SEMA6D: variants seen among roughly 807,000 people sequenced by gnomAD.
SEMA6D encodes the protein semaphorin-6D.
Under a neutral mutation model 106.6 loss-of-function variants are expected in SEMA6D, and 35 were observed. The observed-to-expected ratio is 0.33, with a 90% CI of 0.25 to 0.44. The LOEUF is 0.44. SEMA6D is among the 20% of genes least tolerant of loss of function. The pLI, the probability that SEMA6D is intolerant of heterozygous loss-of-function variation, is 1.00. For missense variants in SEMA6D, 1,185 were observed against 1,345.9 expected (o/e 0.88, Z 1.87); for synonymous variants, 499 against 487.7 (o/e 1.02, Z -0.31).
chr15:47,314,593 A>G (rs62000202), intron 1 of SEMA6D, among the ~76,000 whole-genome samples: 19,892 of 77,088 alleles, frequency 0.26, 2,950 homozygotes, highest in Non-Finnish European at 0.37. Flanking sequence ...GCGAGACTCC[A>G]TCTCAAAAAA....
chr15:47,451,149 T>G (rs1162000280), intron 2 of SEMA6D, among the ~76,000 whole-genome samples: 1 of 152,070 alleles, frequency 6.6e-6, no homozygotes, highest in East Asian at 1.9e-4. Flanking sequence ...TATATCTACC[T>G]GGTTTGTCCA....
intron 3 of SEMA6D, among the ~76,000 whole-genome samples, chr15:47,586,749 T>C (rs1393950105): frequency 6.6e-6 from 1 of 152,184 alleles, no homozygotes; most frequent in Non-Finnish European, 1.5e-5. Context: ...AGAAAAATCC[T>C]GTAGAACGTA....
chr15:47,671,251 CAT>C (rs1311273920), intron 4 of SEMA6D, among the ~76,000 whole-genome samples: 1 of 152,074 alleles, frequency 6.6e-6, no homozygotes, highest in East Asian at 1.9e-4. Context: ...TGCTGGGCAA[CAT>C]AGGGTTTCCA....
intron 4 of SEMA6D, among the ~76,000 whole-genome samples, chr15:47,647,145 G>A (rs981335823): frequency 5.3e-5 from 8 of 152,120 alleles, no homozygotes; most frequent in Non-Finnish European, 1.0e-4. Context: ...TTGTCTAAAC[G>A]TTGTAATCAC....
At chr15:47,643,812 G>A (rs967640882) in intron 4 of SEMA6D, among the ~76,000 whole-genome samples, 5 of 152,096 alleles carry the variant, frequency 3.3e-5, no homozygotes, top group African/African-American at 1.2e-4. Context: ...AATAAATTTT[G>A]TTAGTTATAG....
intron 3 of SEMA6D, among the ~76,000 whole-genome samples, chr15:47,588,348 T>G (rs1028164716): frequency 6.6e-6 from 1 of 152,190 alleles, no homozygotes; most frequent in Non-Finnish European, 1.5e-5. Context: ...GTTCTGCCCC[T>G]ATCTTTTAGA....
intron 1 of SEMA6D, among the ~76,000 whole-genome samples, chr15:47,187,430 T>C (rs71467616): frequency 0.14 from 20,666 of 152,142 alleles, 1,813 homozygotes; most frequent in Middle Eastern, 0.18. Flanking sequence ...TCAAAACTTA[T>C]ATTTAAACGT....
At chr15:47,425,726 G>A (rs1470090009) in intron 2 of SEMA6D, among the ~76,000 whole-genome samples, 8 of 149,670 alleles carry the variant, frequency 5.3e-5, no homozygotes, top group Non-Finnish European at 1.0e-4. Flanking sequence ...GCTGGAGTGC[G>A]GTGGCATGAT....
At chr15:47,264,986 C>A (rs2034251122) in intron 1 of SEMA6D, among the ~76,000 whole-genome samples, 1 of 151,914 alleles carries the variant, frequency 6.6e-6, no homozygotes, top group Non-Finnish European at 1.5e-5. Context: ...ATACACAATT[C>A]TTTAATATGT....
chr15:47,373,544 G>A (rs149915556), intron 1 of SEMA6D, among the ~76,000 whole-genome samples: 30 of 152,060 alleles, frequency 2.0e-4, no homozygotes, highest in African/African-American at 7.2e-4. Flanking sequence ...ATGAGAAAGT[G>A]AGAAAGGGAA....
intron 3 of SEMA6D, among the ~76,000 whole-genome samples, chr15:47,576,583 AC>A (rs1239940238): frequency 2.6e-5 from 4 of 152,210 alleles, no homozygotes; most frequent in African/African-American, 9.6e-5. Context: ...CTATTCCCAG[AC>A]CAGCGGTCAC....
chr15:47,269,089 T>A (rs1230036201), intron 1 of SEMA6D, among the ~76,000 whole-genome samples: 1 of 152,176 alleles, frequency 6.6e-6, no homozygotes, highest in African/African-American at 2.4e-5. Flanking sequence ...AGCCATTTTA[T>A]ATATGATTCT....
At position 47,762,287 on chromosome 15, in the gene SEMA6D, G is replaced by A. The variant is rs1335756274; in HGVS notation, c.626G>A (p.Arg209His). 2 of 1,613,470 alleles carry A rather than the reference G, an allele frequency of 1.2e-6. No individual in the cohort carries two copies. Among genetic ancestry groups the A allele is most frequent in the Non-Finnish European group, 1.7e-6 (2 of 1,179,580 alleles). The part of the protein sequence containing the change: ...YRSMGDGSAL[R>H]TIKYDSKWIK... Reference sequence around the variant, plus strand: ...AGCATGGGTGATGGATCTGCCCTTCGCACAATAAAATATGATTCCAAATGG... The same window carrying A: ...AGCATGGGTGATGGATCTGCCCTTCACACAATAAAATATGATTCCAAATGG... The change falls in exon 8 of 19, where the codon CGC (arginine) becomes CAC (histidine). Residue 209 changes from arginine (R) to histidine (H), a missense_variant. By Grantham distance (29) the Arg-to-His change is conservative (BLOSUM62 0). Coordinates refer to ENST00000536845, the MANE Select transcript of SEMA6D (RefSeq NM_001358351.3).
chr15:47,588,222 C>G (rs1473253999), intron 3 of SEMA6D, among the ~76,000 whole-genome samples: 1 of 152,186 alleles, frequency 6.6e-6, no homozygotes, highest in Non-Finnish European at 1.5e-5. Flanking sequence ...CTCTCACTCT[C>G]CAAGATTTCC....
intron 2 of SEMA6D, 134 bp downstream of exon 2, chr15:47,760,041 A>T (rs1662468786): frequency 4.1e-6 from 3 of 735,848 alleles, no homozygotes. Context: ...TGAGTTTATC[A>T]GTAATCATTT....
At chr15:47,325,530 G>C (rs979299158) in intron 1 of SEMA6D, among the ~76,000 whole-genome samples, 4 of 152,188 alleles carry the variant, frequency 2.6e-5, no homozygotes, top group Admixed American at 1.3e-4. Context: ...ATATTGTAAT[G>C]AACTGTGACA....
At chr15:47,768,900 T>G (rs1434412137) in intron 18 of SEMA6D, 152 bp downstream of exon 18, 2 of 615,918 alleles carry the variant, frequency 3.2e-6, no homozygotes, top group Admixed American at 3.0e-5. Flanking sequence ...TGGCTTTCTG[T>G]GGTTATATCT....
intron 3 of SEMA6D, among the ~76,000 whole-genome samples, chr15:47,518,077 T>C (rs1251681602): frequency 3.3e-5 from 5 of 152,190 alleles, no homozygotes. Flanking sequence ...ATGTTGATAA[T>C]GATAGAGAGA....
intron 3 of SEMA6D, among the ~76,000 whole-genome samples, chr15:47,491,799 A>G (rs561442470): frequency 6.6e-6 from 1 of 152,296 alleles, no homozygotes; most frequent in South Asian, 2.1e-4. Context: ...ATCTCATTCT[A>G]TGTAATTCAT....
Sources: allele counts gnomAD v4.1 joint callset (sites outside exome capture counted in the v4.1 genomes callset), GRCh38; gene constraint gnomAD v4.1.1; transcripts MANE v1.5; gene names NCBI Gene and HGNC (gene_info 2026-07-23, HGNC 2026-07-21).